The following SIPA1L3 variants were observed in gnomAD, a reference collection of about 807,000 sequenced individuals.
SIPA1L3 encodes signal-induced proliferation-associated 1-like protein 3.
Under a neutral mutation model 150.1 loss-of-function variants are expected in SIPA1L3, and 59 were observed. That is an observed-to-expected ratio of 0.39 (90% CI 0.32 to 0.49). The LOEUF is 0.49. Ranked by LOEUF, SIPA1L3 falls within the 20% of genes least tolerant of loss-of-function variation. The pLI is 0.86. For synonymous variants in SIPA1L3, 1,070 were observed against 1,077.6 expected (o/e 0.99, Z 0.14); for missense variants, 2,211 against 2,489.5 (o/e 0.89, Z 2.38).
At chr19:37,927,145 C>CTTTTT (rs34057465) in intron 1 of SIPA1L3, among the ~76,000 whole-genome samples, 1 of 128,472 alleles carries the variant, frequency 7.8e-6, no homozygotes, top group Admixed American at 8.8e-5. Context: ...TTTTCTTTTC[C>CTTTTT]TTTTTTTTTT....
intron 1 of SIPA1L3, among the ~76,000 whole-genome samples, chr19:38,010,371 G>C (rs183232950): frequency 2.0e-5 from 3 of 150,816 alleles, no homozygotes; most frequent in Admixed American, 6.6e-5. Context: ...TCAAGTCACT[G>C]CACTCCAACC....
intron 10 of SIPA1L3, among the ~76,000 whole-genome samples, chr19:38,131,231 T>G (rs1971299789): frequency 6.6e-6 from 1 of 152,194 alleles, no homozygotes; most frequent in Admixed American, 6.5e-5. Flanking sequence ...AATAGGTGTG[T>G]CATACCGGAT....
At chr19:37,974,308 C>G (rs1967022947) in intron 1 of SIPA1L3, among the ~76,000 whole-genome samples, 1 of 151,970 alleles carries the variant, frequency 6.6e-6, no homozygotes, top group South Asian at 2.1e-4. Context: ...ATTGCTTGAG[C>G]CAGGAGTTCA....
intron 1 of SIPA1L3, among the ~76,000 whole-genome samples, chr19:37,913,665 G>T (rs994840715): frequency 2.0e-5 from 3 of 151,518 alleles, no homozygotes; most frequent in African/African-American, 7.3e-5. Flanking sequence ...TACAGTGCTG[G>T]GATTACAGGC....
At chr19:38,162,220 C>T in intron 13 of SIPA1L3, 33 bp from the exon 14 acceptor site, 1 of 1,576,314 alleles carries the variant, frequency 6.3e-7, no homozygotes, top group African/African-American at 1.3e-5. Context: ...TGAGTCACTC[C>T]TAACCACTGG....
intron 10 of SIPA1L3, among the ~76,000 whole-genome samples, chr19:38,140,289 G>A (rs181954690): frequency 3.9e-5 from 6 of 152,178 alleles, no homozygotes; most frequent in African/African-American, 9.6e-5. Context: ...CAGCCCAGCC[G>A]GCGGATCTCC....
At chr19:38,034,339 C>T (rs1968730085) in intron 2 of SIPA1L3, among the ~76,000 whole-genome samples, 1 of 152,174 alleles carries the variant, frequency 6.6e-6, no homozygotes, top group African/African-American at 2.4e-5. Context: ...TGATCTCATT[C>T]AGTTCTTGTA....
At chr19:38,153,111 G>C (rs776461553) in intron 13 of SIPA1L3, 144 bp downstream of exon 13, 26 of 1,095,404 alleles carry the variant, frequency 2.4e-5, no homozygotes, top group Non-Finnish European at 3.3e-5. Context: ...TGTAAGACTA[G>C]AGAGGGCACC....
At chr19:38,071,296 A>G (rs1233850175) in intron 2 of SIPA1L3, among the ~76,000 whole-genome samples, 3 of 151,766 alleles carry the variant, frequency 2.0e-5, no homozygotes, top group Non-Finnish European at 4.4e-5. Context: ...CTGCCTACCT[A>G]TCTATGTAGT....
intron 1 of SIPA1L3, among the ~76,000 whole-genome samples, chr19:37,929,783 C>A (rs2046536761): frequency 6.6e-6 from 1 of 152,138 alleles, no homozygotes; most frequent in Non-Finnish European, 1.5e-5. Context: ...ATGGTAAGTA[C>A]TTAAGAACGT....
Position 37,922,364 on chromosome 19 carries a change from A to C in SIPA1L3, c.-379+15006A>C, listed in dbSNP as rs149363328. Among the ~76,000 whole-genome samples, 575 of 152,140 alleles carry C rather than the reference A, an allele frequency of 3.8e-3. 3 individuals are homozygous for C. Among genetic ancestry groups the C allele is most frequent in the African/African-American group, 0.013 (553 of 41,538 alleles). ...CAGCCTTCCAAAGTGCTAGGATTACAGGTGTGAGTCACTGAGCCCTGCCTT... is the reference window on the plus strand; with the variant it reads ...CAGCCTTCCAAAGTGCTAGGATTACCGGTGTGAGTCACTGAGCCCTGCCTT... On this transcript the variant is annotated intron_variant, in intron 1 of 21. Coordinates refer to ENST00000222345, the MANE Select transcript of SIPA1L3 (RefSeq NM_015073.3).
chr19:38,104,314 G>A (rs1439585007), intron 6 of SIPA1L3, among the ~76,000 whole-genome samples: 1 of 152,206 alleles, frequency 6.6e-6, no homozygotes, highest in Non-Finnish European at 1.5e-5. Flanking sequence ...TCGTGATCTT[G>A]GACAGGTGGC....
chr19:38,123,867 G>A lies in SIPA1L3; in HGVS notation c.2868+3985G>A, dbSNP rs1487072040. On this transcript the variant is annotated intron_variant, in intron 9 of 21. Transcript: ENST00000222345. ...CGGGCAGAGGCGCCCCTCACCTCCC[G>A]GACAGGGCGGCTGGCCGGGCAGAGG... Among the ~76,000 whole-genome samples, 23 of 110,824 alleles carry A rather than the reference G, an allele frequency of 2.1e-4. 1 individual carries two copies. Among genetic ancestry groups the A allele is most frequent in the South Asian group, 2.0e-3 (7 of 3,462 alleles). The allele number at this position is 110,824 out of a possible 152,430, so 72.7% of individuals were successfully genotyped here. A position where few individuals can be genotyped will look rare whatever the true frequency, so the allele number is the denominator to read the frequency against.
intron 1 of SIPA1L3, among the ~76,000 whole-genome samples, chr19:37,937,667 A>G (rs1290513628): frequency 6.9e-6 from 1 of 145,236 alleles, no homozygotes; most frequent in Non-Finnish European, 1.5e-5. Context: ...GCTTGAGCTC[A>G]GGAGGTTGAG....
At chr19:38,142,860 G>GA in intron 12 of SIPA1L3, 150 bp downstream of exon 12, 8 of 1,013,646 alleles carry the variant, frequency 7.9e-6, no homozygotes, top group Non-Finnish European at 1.1e-5. Flanking sequence ...CCATGGGGTG[G>GA]TTATGTCTCA....
chr19:38,024,561 C>T (rs1255148481), intron 1 of SIPA1L3, among the ~76,000 whole-genome samples: 1 of 151,934 alleles, frequency 6.6e-6, no homozygotes, highest in Admixed American at 6.6e-5. Flanking sequence ...TGGCCCTGGG[C>T]CCCAGATAAG....
At chr19:38,096,961 A>G (rs1970393917) in intron 4 of SIPA1L3, among the ~76,000 whole-genome samples, 1 of 152,230 alleles carries the variant, frequency 6.6e-6, no homozygotes, top group Non-Finnish European at 1.5e-5. Flanking sequence ...GTGCTCATCA[A>G]CAGTGAAAAG....
In SIPA1L3 at chr19:38,202,326, G is replaced by A. The variant is rs139790453; in HGVS notation, c.5120+329G>A. 2.0e-3 allele frequency among the ~76,000 whole-genome samples: 300 copies of A among 152,226 alleles called. 1 individual carries two copies. Among genetic ancestry groups the A allele is most frequent in the African/African-American group, 6.5e-3 (270 of 41,540 alleles). On this transcript the variant is annotated intron_variant, in intron 20 of 21. Coordinates refer to ENST00000222345, the MANE Select transcript of SIPA1L3 (RefSeq NM_015073.3). Reference sequence around the variant, plus strand: ...AAGCAGGCCGGGCGCGGTGGCTCACGCCTGTAAACCCAGCACTTTGGGAGG... The same window carrying A: ...AAGCAGGCCGGGCGCGGTGGCTCACACCTGTAAACCCAGCACTTTGGGAGG...
At chr19:37,923,006 G>A (rs1243153308) in intron 1 of SIPA1L3, among the ~76,000 whole-genome samples, 1 of 151,518 alleles carries the variant, frequency 6.6e-6, no homozygotes, top group Admixed American at 6.6e-5. Flanking sequence ...GCGTGGTGGC[G>A]GGCGCCTGTA....
Sources: gnomAD v4.1 joint callset for allele counts (sites outside exome capture counted in the v4.1 genomes callset) on GRCh38, gnomAD v4.1.1 for gene constraint, MANE v1.5 for transcripts, NCBI Gene and HGNC (gene_info 2026-07-23, HGNC 2026-07-21) for gene names.